LDLRAD4: variants seen among roughly 807,000 people sequenced by gnomAD.
LDLRAD4 encodes low density lipoprotein receptor class A domain containing 4, also known as low-density lipoprotein receptor class A domain-containing protein 4.
Under a neutral mutation model 17.0 loss-of-function variants are expected in LDLRAD4, and 5 were observed. That is an observed-to-expected ratio of 0.29 (90% CI 0.15 to 0.62). The LOEUF is 0.62. Ranked by LOEUF, LDLRAD4 falls within the 20% of genes least tolerant of loss-of-function variation. LDLRAD4 has a pLI of 0.84. For missense variants in LDLRAD4, 340 were observed against 424.7 expected (o/e 0.80, Z 1.75); for synonymous variants, 168 against 171.8 (o/e 0.98, Z 0.17).
At chr18:13,453,439 G>A (rs537622862) in intron 3 of LDLRAD4, among the ~76,000 whole-genome samples, 3 of 152,260 alleles carry the variant, frequency 2.0e-5, no homozygotes, top group South Asian at 2.1e-4. Flanking sequence ...CCGCTACTCC[G>A]TAGTGACCTT....
intron 3 of LDLRAD4, among the ~76,000 whole-genome samples, chr18:13,454,142 C>T (rs917004535): frequency 6.6e-6 from 1 of 152,228 alleles, no homozygotes; most frequent in African/African-American, 2.4e-5. Flanking sequence ...ATATAAGACC[C>T]CTTTTTGTCT....
chr18:13,578,578 C>T (rs1268011166), intron 3 of LDLRAD4, among the ~76,000 whole-genome samples: 6 of 152,154 alleles, frequency 3.9e-5, no homozygotes, highest in Admixed American at 1.3e-4. Context: ...TAACCTTCAG[C>T]GGAAGAAGGC....
At chr18:13,568,626 G>C (rs1010530666) in intron 3 of LDLRAD4, among the ~76,000 whole-genome samples, 6 of 152,206 alleles carry the variant, frequency 3.9e-5, no homozygotes, top group African/African-American at 1.2e-4. Flanking sequence ...GCTGCAGGAG[G>C]AACTGGACAA....
At chr18:13,558,979 C>T (rs894318873) in intron 3 of LDLRAD4, among the ~76,000 whole-genome samples, 2 of 150,086 alleles carry the variant, frequency 1.3e-5, no homozygotes, top group South Asian at 4.3e-4. Flanking sequence ...CCAGCTAATG[C>T]GACTCGCAGG....
intron 2 of LDLRAD4, chr18:13,420,463 A>G (rs2089337887): frequency 6.6e-6 from 1 of 152,270 alleles, no homozygotes; most frequent in Non-Finnish European, 1.5e-5. Context: ...GCCCCTGTCT[A>G]GCCCTGTCTC....
chr18:13,317,082 C>T (rs747156692), intron 1 of LDLRAD4, among the ~76,000 whole-genome samples: 7 of 152,202 alleles, frequency 4.6e-5, no homozygotes, highest in South Asian at 2.1e-4. Flanking sequence ...GAAGGATGCC[C>T]GGTGCACACA....
At chr18:13,375,577 T>G (rs2084846000) in intron 1 of LDLRAD4, among the ~76,000 whole-genome samples, 1 of 152,076 alleles carries the variant, frequency 6.6e-6, no homozygotes, top group Admixed American at 6.5e-5. Context: ...GGGTTGGTGG[T>G]AAGGACAAAG....
intron 1 of LDLRAD4, among the ~76,000 whole-genome samples, chr18:13,336,123 AC>A (rs1408224952): frequency 6.6e-6 from 1 of 152,154 alleles, no homozygotes; most frequent in Non-Finnish European, 1.5e-5. Context: ...GACTCTTTTA[AC>A]AGCCGGCTCC....
At chr18:13,372,826 T>G (rs2084617841) in intron 1 of LDLRAD4, among the ~76,000 whole-genome samples, 1 of 152,226 alleles carries the variant, frequency 6.6e-6, no homozygotes, top group African/African-American at 2.4e-5. Flanking sequence ...GTTTGTGTGT[T>G]GTCTGTTGGG....
chr18:13,335,367 A>C (rs144655265), intron 1 of LDLRAD4, among the ~76,000 whole-genome samples: 1 of 152,120 alleles, frequency 6.6e-6, no homozygotes, highest in African/African-American at 2.4e-5. Context: ...TATGTATATT[A>C]CTTTTTTCAT....
chr18:13,264,321 C>T (rs148147511), intron 1 of LDLRAD4, among the ~76,000 whole-genome samples: 10 of 152,374 alleles, frequency 6.6e-5, no homozygotes, highest in African/African-American at 2.4e-4. Context: ...AGCCCCGCCC[C>T]CGAGTTATCC....
intron 2 of LDLRAD4, among the ~76,000 whole-genome samples, chr18:13,424,564 G>T (rs1416148174): frequency 6.6e-6 from 1 of 152,146 alleles, no homozygotes; most frequent in Non-Finnish European, 1.5e-5. Flanking sequence ...TGACAGCAAG[G>T]TGATTAGCAC....
chr18:13,311,075 A>G (rs1228225618), intron 1 of LDLRAD4, among the ~76,000 whole-genome samples: 1 of 152,172 alleles, frequency 6.6e-6, no homozygotes. Flanking sequence ...TAAAAACTCT[A>G]TTGTTGGGGA....
At chr18:13,374,775 T>C (rs2084778519) in intron 1 of LDLRAD4, among the ~76,000 whole-genome samples, 1 of 152,200 alleles carries the variant, frequency 6.6e-6, no homozygotes, top group East Asian at 1.9e-4. Flanking sequence ...CAGCACCTGC[T>C]AGGTGTGTGT....
chr18:13,415,808 AGGGTGGGT>A (rs2088838619), intron 2 of LDLRAD4, among the ~76,000 whole-genome samples: 1 of 152,190 alleles, frequency 6.6e-6, no homozygotes, highest in Non-Finnish European at 1.5e-5. Flanking sequence ...AGCAGGCATC[AGGGTGGGT>A]GGGGAGCCTG....
At chr18:13,332,209 G>A (rs941926381) in intron 1 of LDLRAD4, among the ~76,000 whole-genome samples, 5 of 152,182 alleles carry the variant, frequency 3.3e-5, no homozygotes, top group African/African-American at 1.2e-4. Flanking sequence ...AGCAAGGTGA[G>A]CAAAACACAA....
chr18:13,495,607 A>G (rs1467256792), intron 3 of LDLRAD4, among the ~76,000 whole-genome samples: 1 of 152,196 alleles, frequency 6.6e-6, no homozygotes, highest in Non-Finnish European at 1.5e-5. Context: ...GAGGATTCTG[A>G]AATCTTCCCT....
chr18:13,262,515 C>T (rs112170826), intron 1 of LDLRAD4, among the ~76,000 whole-genome samples: 95 of 68,178 alleles, frequency 1.4e-3, no homozygotes, highest in East Asian at 3.6e-3. Context: ...GAGTCCCGTG[C>T]GGCCCTGTGC....
chr18:13,555,589 C>T (rs1331508330), intron 3 of LDLRAD4, among the ~76,000 whole-genome samples: 1 of 152,240 alleles, frequency 6.6e-6, no homozygotes, highest in Middle Eastern at 3.4e-3. Flanking sequence ...CTATAAGTGT[C>T]TATTATTTGT....
Sources: gnomAD v4.1 joint callset for allele counts (sites outside exome capture counted in the v4.1 genomes callset) on GRCh38, gnomAD v4.1.1 for gene constraint, MANE v1.5 for transcripts, NCBI Gene and HGNC (gene_info 2026-07-23, HGNC 2026-07-21) for gene names.